The following ESR2 variants were observed in gnomAD, a reference collection of about 807,000 sequenced individuals.
ESR2 encodes estrogen receptor beta.
In ESR2, 36 loss-of-function variants were observed where a neutral mutation model predicts 49.6. The observed-to-expected ratio is 0.73, with a 90% CI of 0.56 to 0.96. ESR2 has a LOEUF of 0.96. ESR2 is among the 40% of genes least tolerant of loss of function. The probability of loss-of-function intolerance (pLI) is 0.00; values close to 1 mark genes in which losing one functional copy is unlikely to be tolerated. For missense variants in ESR2, 714 were observed against 693.0 expected (o/e 1.03, Z -0.34); for synonymous variants, 320 against 266.1 (o/e 1.20, Z -1.97).
At chr14:64,227,382 G>A, downstream of ESR2, 1 of 768,192 alleles carries the variant, frequency 1.3e-6, no homozygotes, top group South Asian at 1.9e-5. Context: ...TAATAGAAAG[G>A]AAGGTGGTTT....
At chr14:64,296,043 CAAAAAA>C (rs34335763), upstream of ESR2, among the ~76,000 whole-genome samples, 190 of 89,230 alleles carry the variant, frequency 2.1e-3, no homozygotes, top group African/African-American at 8.2e-3. Context: ...GACTCTGTCT[CAAAAAA>C]AAAAAAAAAA....
At chr14:64,242,622 T>C (rs1019053807) in intron 7 of ESR2, among the ~76,000 whole-genome samples, 25 of 151,786 alleles carry the variant, frequency 1.6e-4, no homozygotes, top group African/African-American at 6.0e-4. Flanking sequence ...AAAAAAAAAA[T>C]TTAGAGAACT....
intron 1 of ESR2, among the ~76,000 whole-genome samples, chr14:64,329,073 A>C (rs1212019266): frequency 6.6e-6 from 1 of 152,236 alleles, no homozygotes; most frequent in Non-Finnish European, 1.5e-5. Context: ...TAAATAAAGA[A>C]ATTTGAGAAA....
At chr14:64,227,812 G>T (rs1025681809), downstream of ESR2, 16 of 1,564,642 alleles carry the variant, frequency 1.0e-5, no homozygotes, top group Middle Eastern at 3.4e-4. Context: ...ACTCTTTTAT[G>T]AGGTAGTCTG....
intron 7 of ESR2, among the ~76,000 whole-genome samples, chr14:64,235,741 A>G (rs528184542): frequency 6.6e-6 from 1 of 152,226 alleles, no homozygotes; most frequent in East Asian, 1.9e-4. Context: ...CACCATCTGG[A>G]GCTCTCTGAG....
At chr14:64,240,699 T>C (rs1223750490) in intron 7 of ESR2, among the ~76,000 whole-genome samples, 1 of 152,228 alleles carries the variant, frequency 6.6e-6, no homozygotes, top group Admixed American at 6.5e-5. Flanking sequence ...CCAGTACACA[T>C]ACAACCATTG....
At position 64,257,514 on chromosome 14, in the gene ESR2, A is replaced by C. The variant is rs1329614817; in HGVS notation, c.953-150T>G. ...ATAGATGTGATTAACTGCTCATTAAAGGAAGAAAACTTTGAAGTTAAGCTG... is the reference window on the plus strand; with the variant it reads ...ATAGATGTGATTAACTGCTCATTAACGGAAGAAAACTTTGAAGTTAAGCTG... On this transcript the variant is annotated intron_variant, in intron 5 of 8. Transcript: ENST00000341099. 4.0e-6 allele frequency: 4 copies of C among 1,002,082 alleles called. No individual in the cohort carries two copies. In the East Asian group the frequency reaches 1.1e-4, roughly 26 times the overall value. 62.1% of individuals were successfully genotyped at this position (1,002,082 alleles called of 1,614,324 possible).
At chr14:64,293,768 G>A (rs746517154) in intron 1 of ESR2, among the ~76,000 whole-genome samples, 2 of 152,264 alleles carry the variant, frequency 1.3e-5, no homozygotes, top group Non-Finnish European at 2.9e-5. Context: ...AAAACCATAG[G>A]GAAATAAAAT....
At chr14:64,327,708 C>T (rs781744641) in intron 1 of ESR2, among the ~76,000 whole-genome samples, 2 of 149,576 alleles carry the variant, frequency 1.3e-5, no homozygotes, top group African/African-American at 2.5e-5. Context: ...AATACAAATA[C>T]AAACACAAAA....
At chr14:64,327,957 A>G (rs998492801) in intron 1 of ESR2, among the ~76,000 whole-genome samples, 11 of 151,852 alleles carry the variant, frequency 7.2e-5, no homozygotes, top group African/African-American at 2.7e-4. Context: ...CTATAATCCC[A>G]GCACTTTGGA....
At chr14:64,245,255 C>G (rs141050217) in intron 7 of ESR2, among the ~76,000 whole-genome samples, 146 of 152,060 alleles carry the variant, frequency 9.6e-4, no homozygotes, top group African/African-American at 3.3e-3. Context: ...TCTGGCCAGG[C>G]GAGGGCCCAG....
chr14:64,256,865 T>C (rs541866922), intron 6 of ESR2, among the ~76,000 whole-genome samples: 31 of 152,292 alleles, frequency 2.0e-4, no homozygotes, highest in African/African-American at 7.0e-4. Context: ...TTGGTCACTA[T>C]AGGTACAAAA....
intron 1 of ESR2, among the ~76,000 whole-genome samples, chr14:64,284,831 A>G (rs1454509975): frequency 6.7e-6 from 1 of 150,046 alleles, no homozygotes; most frequent in African/African-American, 2.5e-5. Context: ...TCTTGAAGTA[A>G]GCTCTCATTA....
At chr14:64,311,181 G>A (rs1567796239) in intron 1 of ESR2, among the ~76,000 whole-genome samples, 1 of 151,956 alleles carries the variant, frequency 6.6e-6, no homozygotes, top group Non-Finnish European at 1.5e-5. Flanking sequence ...ACTTACAGGG[G>A]GTTAAGCAAT....
At chr14:64,300,960 T>A (rs2077015013) in intron 1 of ESR2, among the ~76,000 whole-genome samples, 1 of 151,834 alleles carries the variant, frequency 6.6e-6, no homozygotes, top group Non-Finnish European at 1.5e-5. Context: ...TAACTACCAT[T>A]CATTCAGCAG....
rs57964318 is a variant in ESR2 at position 64,233,391 on chromosome 14, C to T, written c.1407-68G>A. The stretch of plus-strand genomic sequence containing the variant: ...GCCACAGGAACCCCGAAGCCTTCCC[C>T]GGCTCTCTTTGCTCAGAGCCAGTCT... On this transcript the variant is annotated intron_variant, in intron 8 of 8. Transcript: ENST00000341099. 5.5e-3 allele frequency: 8,210 copies of T among 1,505,724 alleles called. 36 individuals are homozygous for T. The highest frequency in any genetic ancestry group is 6.9e-3 in the Non-Finnish European group (7,536 of 1,097,506). The allele number at this position is 1,505,724 out of a possible 1,614,324, so 93.3% of individuals were successfully genotyped here. A position where few individuals can be genotyped will look rare whatever the true frequency, so the allele number is the denominator to read the frequency against.
chr14:64,310,286 A>AAAAAAAAAAAAAAATAATAATAAT (rs1555595498), intron 1 of ESR2, among the ~76,000 whole-genome samples: 7 of 142,460 alleles, frequency 4.9e-5, no homozygotes, highest in African/African-American at 1.9e-4. Flanking sequence ...TCGTCTCAAA[A>AAAAAAAAAAAAAAATAATAATAAT]AATAATAATA....
At chr14:64,304,841 A>T (rs1254264239) in intron 1 of ESR2, among the ~76,000 whole-genome samples, 1 of 152,010 alleles carries the variant, frequency 6.6e-6, no homozygotes, top group Admixed American at 6.6e-5. Context: ...GTTCCACTGC[A>T]CTCTAGCCTG....
chr14:64,236,956 CCTTT>C (rs1383224750), intron 7 of ESR2, among the ~76,000 whole-genome samples: 1 of 138,810 alleles, frequency 7.2e-6, no homozygotes, highest in Non-Finnish European at 1.6e-5. Flanking sequence ...AGGGCACAGA[CCTTT>C]TTTTTTTTTT....
Sources: allele counts gnomAD v4.1 joint callset (sites outside exome capture counted in the v4.1 genomes callset), GRCh38; gene constraint gnomAD v4.1.1; transcripts MANE v1.5; gene names NCBI Gene and HGNC (gene_info 2026-07-23, HGNC 2026-07-21).